SLC4A4: variants seen among roughly 807,000 people sequenced by gnomAD.
SLC4A4 encodes the protein solute carrier family 4 member 4.
Under a neutral mutation model 111.5 loss-of-function variants are expected in SLC4A4, and 27 were observed. The ratio of observed to expected loss-of-function variants is 0.24; its 90% CI spans 0.18 to 0.33. The LOEUF (loss-of-function observed/expected upper bound fraction) is 0.33, where lower values mean the gene tolerates loss of function less well. Ranked by LOEUF, SLC4A4 falls within the 10% of genes least tolerant of loss-of-function variation. The pLI is 1.00. For missense variants in SLC4A4, 909 were observed against 1,315.5 expected, an observed-to-expected ratio of 0.69 and a Z score of 4.78; for synonymous variants, 443 against 463.4, an observed-to-expected ratio of 0.96 and a Z score of 0.57.
chr4:71,259,331 C>T (rs916610846), intron 3 of SLC4A4, among the ~76,000 whole-genome samples: 2 of 151,942 alleles, frequency 1.3e-5, no homozygotes, highest in Non-Finnish European at 2.9e-5. Flanking sequence ...ACATTTGGAG[C>T]TCTGAGGAGG....
At chr4:71,097,658 C>T (rs560575336) in intron 2 of SLC4A4, among the ~76,000 whole-genome samples, 1 of 152,228 alleles carries the variant, frequency 6.6e-6, no homozygotes, top group South Asian at 2.1e-4. Flanking sequence ...ATAAGTGTTC[C>T]CTTTTCTCCG....
At chr4:71,485,494 C>A (rs781169006) in intron 14 of SLC4A4, among the ~76,000 whole-genome samples, 4 of 151,534 alleles carry the variant, frequency 2.6e-5, no homozygotes, top group Non-Finnish European at 5.9e-5. Flanking sequence ...CCTACTTGAT[C>A]GTGGTGGATT....
intron 3 of SLC4A4, among the ~76,000 whole-genome samples, chr4:71,273,031 C>T (rs774911459): frequency 2.6e-5 from 4 of 152,190 alleles, no homozygotes; most frequent in Admixed American, 6.5e-5. Flanking sequence ...ATAACTGCCA[C>T]GTCTACCATC....
intron 7 of SLC4A4, among the ~76,000 whole-genome samples, chr4:71,419,770 A>G (rs1293380065): frequency 1.3e-5 from 2 of 152,178 alleles, no homozygotes; most frequent in Non-Finnish European, 2.9e-5. Flanking sequence ...AAATGCAGAA[A>G]TCACCCGTCT....
intron 2 of SLC4A4, among the ~76,000 whole-genome samples, chr4:71,143,290 A>T (rs960236117): frequency 3.0e-4 from 46 of 152,152 alleles, no homozygotes; most frequent in Non-Finnish European, 5.0e-4. Context: ...ATCATTTTTT[A>T]TGGCTGCATA....
chr4:71,552,774 T>C (rs150380889), intron 20 of SLC4A4, among the ~76,000 whole-genome samples: 1 of 152,052 alleles, frequency 6.6e-6, no homozygotes, highest in East Asian at 1.9e-4. Flanking sequence ...ATTCTTGATA[T>C]GCCTGTATGG....
chr4:71,449,960 G>A (rs1426816349), intron 9 of SLC4A4, among the ~76,000 whole-genome samples: 1 of 152,082 alleles, frequency 6.6e-6, no homozygotes, highest in Non-Finnish European at 1.5e-5. Flanking sequence ...GTCTTAACCC[G>A]ATCTTAACAC....
intron 6 of SLC4A4, among the ~76,000 whole-genome samples, chr4:71,386,079 A>G (rs1718691970): frequency 6.6e-6 from 1 of 151,790 alleles, no homozygotes; most frequent in African/African-American, 2.4e-5. Context: ...ATTTGGAAGC[A>G]TATAGAATTC....
intron 2 of SLC4A4, among the ~76,000 whole-genome samples, chr4:71,154,992 A>G (rs1159478776): frequency 3.3e-5 from 5 of 152,220 alleles, no homozygotes; most frequent in African/African-American, 7.2e-5. Flanking sequence ...TAAATTTTCA[A>G]ACTGTGAGTT....
chr4:71,204,608 A>G (rs1717632427), intron 1 of SLC4A4, among the ~76,000 whole-genome samples: 1 of 152,210 alleles, frequency 6.6e-6, no homozygotes, highest in South Asian at 2.1e-4. Context: ...TGCTATTAGT[A>G]TAGTCTCTTT....
chr4:71,422,789 C>A (rs999973275), intron 7 of SLC4A4, among the ~76,000 whole-genome samples: 4 of 152,166 alleles, frequency 2.6e-5, no homozygotes, highest in Non-Finnish European at 4.4e-5. Flanking sequence ...ATTCAACAAC[C>A]CTTCATGCTG....
At chr4:71,424,145 GA>G (rs1219974593) in intron 7 of SLC4A4, among the ~76,000 whole-genome samples, 2 of 151,848 alleles carry the variant, frequency 1.3e-5, no homozygotes, top group African/African-American at 4.8e-5. Context: ...AAATTTACAA[GA>G]AAAAACAAAC....
intron 1 of SLC4A4, among the ~76,000 whole-genome samples, chr4:71,084,789 T>C (rs1186556409): frequency 6.6e-6 from 1 of 152,086 alleles, no homozygotes; most frequent in Non-Finnish European, 1.5e-5. Flanking sequence ...CACATTTTCT[T>C]AATCCAGTCT....
chr4:71,384,993 G>A (rs150519261), intron 6 of SLC4A4, among the ~76,000 whole-genome samples: 1,588 of 151,070 alleles, frequency 0.011, 29 homozygotes, highest in African/African-American at 0.037. Context: ...AAAACTGCAC[G>A]TTCTGCACAT....
At position 71,532,122 on chromosome 4, in the gene SLC4A4, G is replaced by C. The variant is rs1306342164; in HGVS notation, c.2227G>C (p.Asp743His). 6.2e-7 allele frequency: 1 copy of C among 1,613,282 alleles called. No homozygotes were observed. The highest frequency in any genetic ancestry group is 2.2e-5 in the East Asian group (1 of 44,826). The stretch of plus-strand genomic sequence containing the variant: ...GTCCATTCTCATCTTTTGTGTAATA[G>C]ATGCCCTAGTAGGCGTGGACACCCC... ...ILSILIFCVI[D>H]ALVGVDTPKL... The change falls in exon 17 of 26, where the codon GAT becomes CAT. Residue 743 changes from aspartate to histidine, a missense_variant. Asp to His is a moderately conservative substitution (Grantham distance 81). Coordinates refer to ENST00000264485, the MANE Select transcript of SLC4A4 (RefSeq NM_001098484.3).
At chr4:71,400,905 C>G (rs1287640229) in intron 7 of SLC4A4, among the ~76,000 whole-genome samples, 2 of 152,014 alleles carry the variant, frequency 1.3e-5, no homozygotes, top group African/African-American at 4.8e-5. Flanking sequence ...TTTGAGAAAG[C>G]TTTTATAATT....
intron 2 of SLC4A4, among the ~76,000 whole-genome samples, chr4:71,252,520 G>C (rs1483212548): frequency 1.3e-5 from 2 of 152,144 alleles, no homozygotes; most frequent in African/African-American, 2.4e-5. Flanking sequence ...CATGTGAGAG[G>C]AGGAGGATGC....
At chr4:71,458,589 CT>C (rs1165052509) in intron 12 of SLC4A4, among the ~76,000 whole-genome samples, 3 of 152,024 alleles carry the variant, frequency 2.0e-5, no homozygotes, top group Non-Finnish European at 4.4e-5. Flanking sequence ...TTTAAGGGAA[CT>C]TGTCTCATAA....
chr4:71,212,441 T>C (rs1718190865), intron 1 of SLC4A4, among the ~76,000 whole-genome samples: 1 of 151,922 alleles, frequency 6.6e-6, no homozygotes, highest in African/African-American at 2.4e-5. Flanking sequence ...AAGGTGGGGG[T>C]TGCCCTTGCT....
Sources: gnomAD v4.1 joint callset for allele counts (sites outside exome capture counted in the v4.1 genomes callset) on GRCh38, gnomAD v4.1.1 for gene constraint, MANE v1.5 for transcripts, NCBI Gene and HGNC (gene_info 2026-07-23, HGNC 2026-07-21) for gene names.